CASKIN1: variants seen among roughly 807,000 people sequenced by gnomAD.
The protein encoded by CASKIN1 is caskin-1.
In CASKIN1, 42 loss-of-function variants were observed where a neutral mutation model predicts 117.5. The ratio of observed to expected loss-of-function variants is 0.36; its 90% confidence interval spans 0.28 to 0.46. The LOEUF is 0.46. CASKIN1 is among the 20% of genes least tolerant of loss of function. CASKIN1 has a pLI of 1.00. For synonymous variants in CASKIN1, 1,148 were observed against 961.7 expected, an observed-to-expected ratio of 1.19 and a Z score of -3.59; for missense variants, 2,083 against 2,077.3, an observed-to-expected ratio of 1.00 and a Z score of -0.05.
At position 2,177,600 on chromosome 16, in the gene CASKIN1, G is replaced by A; in HGVS notation, c.*950C>T. 4.2e-6 allele frequency: 1 copy of A among 237,250 alleles called. No homozygotes were observed. The highest frequency in any genetic ancestry group is 1.3e-3 in the Middle Eastern group (1 of 792). The allele number at this position is 237,250 out of a possible 1,614,324, so 14.7% of individuals were successfully genotyped here. On this transcript the variant is annotated 3_prime_UTR_variant, in exon 20 of 20. Coordinates refer to ENST00000343516, the MANE Select transcript of CASKIN1 (RefSeq NM_020764.4). ...AGAAGCGTCCGTGGGAACTCCACTGGGGTGGATGGGCTGCCTGCACAGCCC... is the reference window on the plus strand; with the variant it reads ...AGAAGCGTCCGTGGGAACTCCACTGAGGTGGATGGGCTGCCTGCACAGCCC...
In CASKIN1 at chr16:2,189,082, T is replaced by G. The variant is rs747054443; in HGVS notation, c.562A>C (p.Asn188His). The stretch of plus-strand genomic sequence containing the variant: ...GCGAGGTGCAAAGGGCTGGTGCCGT[T>G]GGGGTCGGTGGCGTCTCCCGGCCGG... Reference protein sequence around the residue: ...EPRPGDATDPNGTSPLHLAAK... With the variant: ...EPRPGDATDPHGTSPLHLAAK... Residue 188 changes from asparagine (N) to histidine (H), a missense_variant, in exon 6 of 20, where the codon AAC becomes CAC. Transcript: ENST00000343516. The G allele has an allele frequency of 1.9e-6, 3 of 1,613,640 alleles. No individual in the cohort carries two copies. In the Admixed American group the frequency reaches 5.0e-5, roughly 27 times the overall value.
rs989138669 is a variant in CASKIN1, at chr16:2,177,619, A to G, written c.*931T>C. 18 of 236,588 alleles carry G rather than the reference A, an allele frequency of 7.6e-5. No homozygotes were observed. The highest frequency in any genetic ancestry group is 1.6e-4 in the Admixed American group (3 of 18,376). 14.7% of individuals were successfully genotyped at this position (236,588 alleles called of 1,614,324 possible). On this transcript the variant is annotated 3_prime_UTR_variant, in exon 20 of 20. Transcript: ENST00000343516. ...CCACTGGGGTGGATGGGCTGCCTGC[A>G]CAGCCCCTGGAGAGGGGGCCAGGCA...
At position 2,179,847 on chromosome 16, in the gene CASKIN1, G is replaced by C. The variant is rs775121322; in HGVS notation, c.3521C>G (p.Thr1174Ser). 14 of 1,605,724 alleles carry C rather than the reference G, an allele frequency of 8.7e-6. No individual in the cohort carries two copies. The South Asian group carries it at 1.1e-4, about 13-fold the overall frequency. The change falls in exon 18 of 20, where the codon ACT becomes AGT. Residue 1174 changes from threonine (T) to serine (S), a missense_variant. Thr to Ser is a moderately conservative substitution (Grantham distance 58). Coordinates refer to ENST00000343516, the MANE Select transcript of CASKIN1 (RefSeq NM_020764.4). The surrounding 1 kb of genome is among the most constrained non-coding windows in gnomAD (Gnocchi z 5.8). ...GGCCGGTCGGCGGCGCACGGTGCCA[G>C]TGCCATTATGGTACACGGACAGTGG... ...PPPLSVYHNG[T>S]GTVRRRPASE... is the part of the protein sequence containing the mutation.
At chr16:2,191,995 G>A (rs1018648900) in intron 1 of CASKIN1, among the ~76,000 whole-genome samples, 1 of 152,206 alleles carries the variant, frequency 6.6e-6, no homozygotes, top group Non-Finnish European at 1.5e-5. Flanking sequence ...GGGTTCCCTG[G>A]GAAAACATGA....
intron 19 of CASKIN1, 60 bp downstream of exon 19, chr16:2,178,842 A>T (rs2093155320): frequency 1.5e-6 from 2 of 1,333,006 alleles, no homozygotes; most frequent in Non-Finnish European, 1.9e-6. Context: ...ATCTCTGCCG[A>T]GCCCCGCCCA....
In CASKIN1 at chr16:2,178,221, G is replaced by A. The variant is rs569069878; in HGVS notation, c.*329C>T. The A allele has an allele frequency of 1.6e-4, 70 of 438,956 alleles. No homozygotes were observed. The East Asian group carries it at 2.6e-3, about 16-fold the overall frequency. 27.2% of individuals were successfully genotyped at this position (438,956 alleles called of 1,614,324 possible). A position where few individuals can be genotyped will look rare whatever the true frequency, so the allele number is the denominator to read the frequency against. On this transcript the variant is annotated 3_prime_UTR_variant, in exon 20 of 20. Transcript: ENST00000343516. ...AGCGGCTGGCCGGGCGTCCCGATGGGCAGTTCTGTGCTGGGCCCGGGCCTG... is the reference window on the plus strand; with the variant it reads ...AGCGGCTGGCCGGGCGTCCCGATGGACAGTTCTGTGCTGGGCCCGGGCCTG...
chr16:2,180,105 C>T lies in CASKIN1; in HGVS notation c.3263G>A (p.Gly1088Asp). The change falls in exon 18 of 20, where the codon GGC becomes GAC. Residue 1088 changes from glycine (G) to aspartate (D), a missense_variant. Gly to Asp is a moderately conservative substitution (Grantham distance 94). Transcript: ENST00000343516. Reference sequence around the variant, plus strand: ...GCCAGTGCCATCCTCCACAAAGGGGCCTGGGTCTGCCGACTCCCCAGGCCC... The same window carrying T: ...GCCAGTGCCATCCTCCACAAAGGGGTCTGGGTCTGCCGACTCCCCAGGCCC... ...RRGPGESADPGPFVEDGTGRQ... is the reference protein window; with the variant it reads ...RRGPGESADPDPFVEDGTGRQ... 1.3e-6 allele frequency: 2 copies of T among 1,556,052 alleles called. No homozygotes were observed. Among genetic ancestry groups the T allele is most frequent in the Non-Finnish European group, 8.7e-7 (1 of 1,151,616 alleles).
Position 2,186,698 on chromosome 16 carries a change from G to A in CASKIN1, c.1048+9C>T, listed in dbSNP as rs2093185807. On this transcript the variant is annotated intron_variant, in intron 10 of 19. Coordinates refer to ENST00000343516, the MANE Select transcript of CASKIN1 (RefSeq NM_020764.4). ...TCCTGCCTGCCCCCCAGGGTGGGGT[G>A]GAACTTGCCTGCTCGCTTGACAATG... 2 of 1,610,124 alleles carry A rather than the reference G, an allele frequency of 1.2e-6. No individual in the cohort carries two copies. Among genetic ancestry groups the A allele is most frequent in the South Asian group, 1.1e-5 (1 of 90,910 alleles).
rs1012577168 is a variant in CASKIN1, at chr16:2,196,190, G to A, written c.94+149C>T. 3 of 249,846 alleles carry A rather than the reference G, an allele frequency of 1.2e-5. No homozygotes were observed. The highest frequency in any genetic ancestry group is 1.2e-3 in the Middle Eastern group (1 of 820). 15.5% of individuals were successfully genotyped at this position (249,846 alleles called of 1,614,324 possible). On this transcript the variant is annotated intron_variant, in intron 1 of 19. Coordinates refer to ENST00000343516, the MANE Select transcript of CASKIN1 (RefSeq NM_020764.4). This position sits in a 1 kb window ranked among gnomAD's most constrained non-coding sequence, Gnocchi z 5.7. ...CAGTGCTGGGGGCAGCGGGTGGAGGGCACGGACCAAGGGTCTGGGCGCTGC... is the reference window on the plus strand; with the variant it reads ...CAGTGCTGGGGGCAGCGGGTGGAGGACACGGACCAAGGGTCTGGGCGCTGC...
At position 2,185,360 on chromosome 16, in the gene CASKIN1, G is replaced by A. The variant is rs549109076; in HGVS notation, c.1097C>T (p.Ser366Leu). 1.5e-4 allele frequency: 235 copies of A among 1,611,604 alleles called. No individual in the cohort carries two copies. The highest frequency in any genetic ancestry group is 2.6e-4 in the South Asian group (24 of 90,818). ...CTCCTCTGGGGGTGCAGAGGGTCCC[G>A]ATGAGCTGCTTCCCTGGGGCAGGCT... ...EPSLPQGSSS[S>L]GPSAPPEEIW... The change falls in exon 11 of 20, where the codon TCG (serine) becomes TTG (leucine). Residue 366 changes from serine (S) to leucine (L), a missense_variant. Around this residue, in one of 3 missense-constraint regions of CASKIN1, gnomAD observed 1,818 missense variants for 1,688.9 expected, o/e 1.08. Transcript: ENST00000343516.
chr16:2,189,070 G>A lies in CASKIN1; in HGVS notation c.574C>T (p.Pro192Ser), dbSNP rs1268449711. The change falls in exon 6 of 20, where the codon CCT becomes TCT. Residue 192 changes from proline to serine, a missense_variant. Physicochemically the swap from Pro to Ser is moderately conservative, Grantham distance 74. Around this residue, in one of 3 missense-constraint regions of CASKIN1, gnomAD observed 203 missense variants for 338.7 expected, o/e 0.60. Transcript: ENST00000343516. ...CCGTTTTTAGCTGCGAGGTGCAAAG[G>A]GCTGGTGCCGTTGGGGTCGGTGGCG... is the stretch of plus-strand genomic sequence containing the variant. ...GDATDPNGTS[P>S]LHLAAKNGHI... 2 of 1,613,618 alleles carry A rather than the reference G, an allele frequency of 1.2e-6. No homozygotes were observed. Among genetic ancestry groups the A allele is most frequent in the Non-Finnish European group, 8.5e-7 (1 of 1,179,858 alleles).
intron 1 of CASKIN1, among the ~76,000 whole-genome samples, chr16:2,192,186 C>T (rs930569720): frequency 2.0e-5 from 3 of 152,082 alleles, no homozygotes; most frequent in African/African-American, 4.8e-5. Context: ...GTGGTCCCTG[C>T]TACTTGGGAG....
At position 2,180,045 on chromosome 16, in the gene CASKIN1, G is replaced by C. The variant is rs866410403; in HGVS notation, c.3323C>G (p.Ala1108Gly). Reference protein sequence around the residue: ...QRPRGPSKGEAGVEGPPLAKV... With the variant: ...QRPRGPSKGEGGVEGPPLAKV... ...GGCCAAGGGCGGGCCTTCGACACCC[G>C]CCTCGCCCTTGGAGGGACCCCGAGG... is the stretch of plus-strand genomic sequence containing the variant. The change falls in exon 18 of 20, where the codon GCG (alanine) becomes GGG (glycine). Residue 1108 changes from alanine to glycine, a missense_variant. Coordinates refer to ENST00000343516, the MANE Select transcript of CASKIN1 (RefSeq NM_020764.4). The C allele has an allele frequency of 6.3e-7, 1 of 1,589,806 alleles. No individual in the cohort carries two copies. Among genetic ancestry groups the C allele is most frequent in the Non-Finnish European group, 8.6e-7 (1 of 1,169,078 alleles).
At chr16:2,185,519 C>G in intron 10 of CASKIN1, 111 bp from the exon 11 acceptor site, 1 of 868,056 alleles carries the variant, frequency 1.2e-6, no homozygotes, top group Non-Finnish European at 1.7e-6. Flanking sequence ...TCTCTGCCCA[C>G]CATTGTCTCC....
rs368872259 is a variant in CASKIN1, at chr16:2,183,699, C to T, written c.1576G>A (p.Ala526Thr). Residue 526 changes from alanine (A) to threonine (T), a missense_variant, in exon 16 of 20, where the codon GCG becomes ACG. By Grantham distance (58) the Ala-to-Thr change is moderately conservative. Coordinates refer to ENST00000343516, the MANE Select transcript of CASKIN1 (RefSeq NM_020764.4). ...VTKPGHRKKI[A>T]AEISGLSIPD... is the part of the protein sequence containing the mutation. ...ATGCTTAGGCCGCTGATCTCTGCCG[C>T]GATCTTCTTCCGGTGGCCCGGCTTG... is the stretch of plus-strand genomic sequence containing the variant. The T allele has an allele frequency of 6.1e-5, 98 of 1,613,254 alleles. 1 individual carries two copies. The Middle Eastern group carries it at 1.2e-3, about 19-fold the overall frequency.
chr16:2,190,145 G>A lies in CASKIN1; in HGVS notation c.172C>T (p.Leu58=). 1.2e-6 allele frequency: 2 copies of A among 1,613,054 alleles called. No individual in the cohort carries two copies. The highest frequency in any genetic ancestry group is 1.7e-6 in the Non-Finnish European group (2 of 1,179,938). The change falls in exon 3 of 20, where the codon CTG becomes TTG. Residue 58 remains leucine, a synonymous_variant. Coordinates refer to ENST00000343516, the MANE Select transcript of CASKIN1 (RefSeq NM_020764.4). ...DGFSALHHAA[L]NGNTELISLL... is the part of the protein sequence containing the mutation. ...CTGATCAATTCCGTGTTGCCGTTCA[G>A]GGCCGCATGGTGCAGAGCCGAGAAG...
In CASKIN1 at chr16:2,181,276, C is replaced by A; in HGVS notation, c.2092G>T (p.Gly698Cys). The change falls in exon 18 of 20, where the codon GGT (glycine) becomes TGT (cysteine). Residue 698 changes from glycine to cysteine, a missense_variant. Coordinates refer to ENST00000343516, the MANE Select transcript of CASKIN1 (RefSeq NM_020764.4). ...GAGCTGCTCATGTGCCGTGCCCGACCACCCAGGCTGGAGTCCTGCCGCGTG... is the reference window on the plus strand; with the variant it reads ...GAGCTGCTCATGTGCCGTGCCCGACAACCCAGGCTGGAGTCCTGCCGCGTG... ...ATTRQDSSLG[G>C]RARHMSSSQE... is the part of the protein sequence containing the mutation. 1 of 1,601,816 alleles carries A rather than the reference C, an allele frequency of 6.2e-7. No individual in the cohort carries two copies. The highest frequency in any genetic ancestry group is 1.1e-5 in the South Asian group (1 of 90,772).
rs772478145 is a variant in CASKIN1 at position 2,184,783 on chromosome 16, C to T, written c.1410G>A (p.Glu470=). The T allele has an allele frequency of 5.3e-6, 8 of 1,520,914 alleles. No individual in the cohort carries two copies. Among genetic ancestry groups the T allele is most frequent in the Non-Finnish European group, 6.2e-6 (7 of 1,134,930 alleles). 94.2% of individuals were successfully genotyped at this position (1,520,914 alleles called of 1,614,324 possible). Residue 470 remains glutamate, a synonymous_variant, in exon 14 of 20, where the codon GAG becomes GAA. Coordinates refer to ENST00000343516, the MANE Select transcript of CASKIN1 (RefSeq NM_020764.4). ...ACACCCCCAAGCCCTGTACCTTGCC[C>T]TCCGATGCTGGCTCCAGCTTCTTGG... is the stretch of plus-strand genomic sequence containing the variant. ...QPPKKLEPAS[E]GKSSEAVSQW...
Position 2,189,470 on chromosome 16 carries a change from A to C in CASKIN1, c.339T>G (p.Asp113Glu). The C allele has an allele frequency of 6.2e-7, 1 of 1,612,188 alleles. No individual in the cohort carries two copies. Among genetic ancestry groups the C allele is most frequent in the Non-Finnish European group, 8.5e-7 (1 of 1,179,778 alleles). ...KAGSAVNIPS[D>E]EGHIPLHLAA... ...CCAGGTGCAGGGGGATGTGGCCCTC[A>C]TCAGACGGGATGTTCACGGCCGAGC... Residue 113 changes from aspartate to glutamate, a missense_variant, in exon 4 of 20, where the codon GAT (aspartate) becomes GAG (glutamate). Physicochemically the swap from Asp to Glu is conservative, Grantham distance 45. This residue lies in a region of CASKIN1 where 203 missense variants were observed against 338.7 expected (regional missense o/e 0.60). Coordinates refer to ENST00000343516, the MANE Select transcript of CASKIN1 (RefSeq NM_020764.4).
Sources: gnomAD v4.1 joint callset for allele counts (sites outside exome capture counted in the v4.1 genomes callset) on GRCh38, gnomAD v4.1.1 for gene constraint, gnomAD v4.1.1 regional missense constraint, Gnocchi (gnomAD v3.1) non-coding constraint, MANE v1.5 for transcripts, NCBI Gene and HGNC (gene_info 2026-07-23, HGNC 2026-07-21) for gene names.